MAML3: variants seen among roughly 807,000 people sequenced by gnomAD.
MAML3 encodes the protein mastermind like transcriptional coactivator 3, also known as mastermind-like protein 3.
MAML3 carries 27 observed loss-of-function variants against 101.9 expected under a neutral mutation model. The observed-to-expected ratio is 0.27, with a 90% CI of 0.20 to 0.37. The LOEUF (loss-of-function observed/expected upper bound fraction) is 0.37. Ranked by LOEUF, MAML3 falls within the 10% of genes least tolerant of loss-of-function variation. The probability of loss-of-function intolerance (pLI) is 1.00; values close to 1 mark genes in which losing one functional copy is unlikely to be tolerated. For missense variants in MAML3, 1,316 were observed against 1,444.9 expected, an observed-to-expected ratio of 0.91 and a Z score of 1.45; for synonymous variants, 501 against 555.9, an observed-to-expected ratio of 0.90 and a Z score of 1.39.
At chr4:139,926,427 T>G (rs933987697) in intron 1 of MAML3, among the ~76,000 whole-genome samples, 3 of 151,950 alleles carry the variant, frequency 2.0e-5, no homozygotes, top group African/African-American at 7.3e-5. Flanking sequence ...GGTGAAACCC[T>G]CTCTCTACTA....
intron 1 of MAML3, among the ~76,000 whole-genome samples, chr4:139,913,718 T>A (rs1396327874): frequency 1.3e-5 from 2 of 152,220 alleles, no homozygotes; most frequent in Admixed American, 6.5e-5. Context: ...GCATAACATC[T>A]TAACAGAAGA....
chr4:139,763,541 G>A (rs560876841), intron 2 of MAML3, among the ~76,000 whole-genome samples: 80 of 152,248 alleles, frequency 5.3e-4, no homozygotes, highest in African/African-American at 1.9e-3. Context: ...AGGGGGAGCC[G>A]AAATGACTTC....
chr4:140,047,764 T>A (rs2110917943), intron 1 of MAML3, among the ~76,000 whole-genome samples: 1 of 130,884 alleles, frequency 7.6e-6, no homozygotes, highest in East Asian at 2.4e-4. Flanking sequence ...GCTGCTCAGA[T>A]CTAAGCATTT....
chr4:139,996,926 A>G (rs956926627), intron 1 of MAML3, among the ~76,000 whole-genome samples: 1 of 151,996 alleles, frequency 6.6e-6, no homozygotes, highest in Admixed American at 6.6e-5. Flanking sequence ...GTGTGGTGGT[A>G]CGTGCCTGTA....
At chr4:139,790,993 C>G (rs1730398916) in intron 2 of MAML3, among the ~76,000 whole-genome samples, 1 of 152,030 alleles carries the variant, frequency 6.6e-6, no homozygotes, top group Non-Finnish European at 1.5e-5. Context: ...TTAAAGAGAC[C>G]AGATTAGCAA....
rs970292276 is a variant in MAML3, at chr4:139,761,842, C to A, written c.2080-31175G>T. On this transcript the variant is annotated intron_variant, in intron 2 of 4. Coordinates refer to ENST00000509479, the MANE Select transcript of MAML3 (RefSeq NM_018717.5). Reference sequence around the variant, plus strand: ...CAAGGGGAGTCAGGGAGAGTTTTCTCCGGGAGTAGATCCTGGAAGCTGTGT... The same window carrying A: ...CAAGGGGAGTCAGGGAGAGTTTTCTACGGGAGTAGATCCTGGAAGCTGTGT... Among the ~76,000 whole-genome samples, 4 of 151,828 alleles carry A rather than the reference C, an allele frequency of 2.6e-5. No individual in the cohort carries two copies. The Admixed American group carries it at 2.6e-4, about 10-fold the overall frequency.
chr4:140,116,306 T>G (rs896043969), intron 1 of MAML3, among the ~76,000 whole-genome samples: 2 of 152,232 alleles, frequency 1.3e-5, no homozygotes, highest in South Asian at 2.1e-4. Flanking sequence ...TGTGTTCATG[T>G]GTTCAAAACA....
chr4:139,978,138 T>C (rs1343543977), intron 1 of MAML3, among the ~76,000 whole-genome samples: 1 of 152,150 alleles, frequency 6.6e-6, no homozygotes, highest in Non-Finnish European at 1.5e-5. Context: ...CTCAGGTCTG[T>C]GCTCCTTCTC....
chr4:139,958,941 T>C (rs1212200528), intron 1 of MAML3, among the ~76,000 whole-genome samples: 1 of 152,222 alleles, frequency 6.6e-6, no homozygotes, highest in African/African-American at 2.4e-5. Flanking sequence ...TTGTTCTTTG[T>C]TGATTTTTCT....
chr4:140,114,474 A>T (rs1728486056), intron 1 of MAML3, among the ~76,000 whole-genome samples: 2 of 152,236 alleles, frequency 1.3e-5, no homozygotes, highest in African/African-American at 4.8e-5. Flanking sequence ...TTGGGTTTTT[A>T]AATTACGTAG....
intron 1 of MAML3, among the ~76,000 whole-genome samples, chr4:139,992,597 C>G (rs1050240456): frequency 6.6e-6 from 1 of 152,142 alleles, no homozygotes; most frequent in African/African-American, 2.4e-5. Context: ...GCGATCTCAG[C>G]TCACTGCAAC....
At chr4:139,811,895 T>G (rs1262033451) in intron 2 of MAML3, among the ~76,000 whole-genome samples, 1 of 152,192 alleles carries the variant, frequency 6.6e-6, no homozygotes, top group African/African-American at 2.4e-5. Context: ...ACTAATTCAG[T>G]AGAGCAGGAA....
In MAML3 at chr4:139,967,876, T is replaced by TA. The variant is rs1362716860; in HGVS notation, c.469-76910dup. 1.8e-4 allele frequency among the ~76,000 whole-genome samples: 27 copies of TA among 148,780 alleles called. No individual in the cohort carries two copies. In the South Asian group the frequency reaches 5.7e-3, roughly 31 times the overall value. On this transcript the variant is annotated intron_variant, in intron 1 of 4. Coordinates refer to ENST00000509479, the MANE Select transcript of MAML3 (RefSeq NM_018717.5). The stretch of plus-strand genomic sequence containing the variant: ...GTTTCCCAACAGACACCCCCACAGA[T>TA]ACACACCCTAGGCTCCACATGACTT...
At chr4:140,141,012 C>T (rs1175207470) in intron 1 of MAML3, among the ~76,000 whole-genome samples, 2 of 152,182 alleles carry the variant, frequency 1.3e-5, no homozygotes, top group Non-Finnish European at 2.9e-5. Flanking sequence ...TGCCAAAACA[C>T]GGCTATTTAG....
At chr4:139,967,902 T>C (rs1734165589) in intron 1 of MAML3, among the ~76,000 whole-genome samples, 1 of 150,640 alleles carries the variant, frequency 6.6e-6, no homozygotes, top group African/African-American at 2.5e-5. Flanking sequence ...CACATGACTT[T>C]CAAGTCACGT....
chr4:139,892,930 C>CAAAAA (rs572440211), intron 1 of MAML3, among the ~76,000 whole-genome samples: 1 of 69,876 alleles, frequency 1.4e-5, no homozygotes, highest in Non-Finnish European at 3.2e-5. Flanking sequence ...GACTCCGTCT[C>CAAAAA]AAAAAAAAAA....
At chr4:139,863,351 T>TTG (rs1197914314) in intron 2 of MAML3, among the ~76,000 whole-genome samples, 1 of 149,944 alleles carries the variant, frequency 6.7e-6, no homozygotes, top group African/African-American at 2.4e-5. Flanking sequence ...CCCTTTTTTT[T>TTG]TTTTTTTTTT....
intron 1 of MAML3, among the ~76,000 whole-genome samples, chr4:139,949,300 C>G (rs549110805): frequency 1.1e-3 from 167 of 152,290 alleles, no homozygotes; most frequent in African/African-American, 3.8e-3. Context: ...CAGGCGTGAG[C>G]CACCACACCC....
chr4:139,810,595 A>G (rs182863938), intron 2 of MAML3, among the ~76,000 whole-genome samples: 5 of 152,316 alleles, frequency 3.3e-5, no homozygotes, highest in African/African-American at 1.2e-4. Context: ...TGATCACAGA[A>G]GGATCCCAGA....
Sources: gnomAD v4.1 joint callset for allele counts (sites outside exome capture counted in the v4.1 genomes callset) on GRCh38, gnomAD v4.1.1 for gene constraint, MANE v1.5 for transcripts, NCBI Gene and HGNC (gene_info 2026-07-23, HGNC 2026-07-21) for gene names.